The following ATXN1 variants were observed in gnomAD, a reference collection of about 807,000 sequenced individuals.
The protein encoded by ATXN1 is ataxin-1.
A neutral mutation model predicts 56.4 loss-of-function variants in ATXN1; 8 were observed. That is an observed-to-expected ratio of 0.14 (90% CI 0.08 to 0.26). The LOEUF is 0.26. Ranked by LOEUF, ATXN1 falls within the 10% of genes least tolerant of loss-of-function variation. The probability of loss-of-function intolerance (pLI) is 1.00; values close to 1 mark genes in which losing one functional copy is unlikely to be tolerated. For synonymous variants in ATXN1, 514 were observed against 494.6 expected, an observed-to-expected ratio of 1.04 and a Z score of -0.52; for missense variants, 987 against 1,106.5, an observed-to-expected ratio of 0.89 and a Z score of 1.53.
intron 3 of ATXN1, among the ~76,000 whole-genome samples, chr6:16,590,562 T>C (rs887627246): frequency 1.3e-5 from 2 of 152,228 alleles, no homozygotes; most frequent in Admixed American, 1.3e-4. Flanking sequence ...TTCACATTTA[T>C]CACTGATAAA....
At chr6:16,645,245 G>C (rs903150250) in intron 3 of ATXN1, among the ~76,000 whole-genome samples, 2 of 152,246 alleles carry the variant, frequency 1.3e-5, no homozygotes, top group Non-Finnish European at 2.9e-5. Context: ...TGAAGAGTTA[G>C]TTGACTTTGC....
chr6:16,709,240 T>C (rs1477378846), intron 2 of ATXN1, among the ~76,000 whole-genome samples: 1 of 152,090 alleles, frequency 6.6e-6, no homozygotes, highest in Non-Finnish European at 1.5e-5. Context: ...GGGATATCAC[T>C]ATAAATCCTA....
At chr6:16,572,347 C>T (rs1325560815) in intron 4 of ATXN1, among the ~76,000 whole-genome samples, 1 of 152,126 alleles carries the variant, frequency 6.6e-6, no homozygotes, top group Non-Finnish European at 1.5e-5. Flanking sequence ...GAGAAAGGGA[C>T]GGAGATCTTC....
intron 6 of ATXN1, among the ~76,000 whole-genome samples, chr6:16,407,452 G>C (rs1044499378): frequency 8.5e-5 from 13 of 152,342 alleles, no homozygotes; most frequent in African/African-American, 3.1e-4. Context: ...TAGTAAGGCT[G>C]TCCTAAGGAA....
At chr6:16,689,059 A>ATGTGTG (rs3072316) in intron 2 of ATXN1, among the ~76,000 whole-genome samples, 1 of 151,082 alleles carries the variant, frequency 6.6e-6, no homozygotes. Flanking sequence ...GTGTGTGTGT[A>ATGTGTG]TGTGTGTGTG....
chr6:16,478,036 T>C (rs1760361753), intron 6 of ATXN1, among the ~76,000 whole-genome samples: 1 of 152,204 alleles, frequency 6.6e-6, no homozygotes, highest in Non-Finnish European at 1.5e-5. Context: ...AGCCAGCACG[T>C]TGCTAGGACA....
intron 3 of ATXN1, among the ~76,000 whole-genome samples, chr6:16,618,647 G>A (rs573584355): frequency 7.9e-5 from 12 of 151,786 alleles, no homozygotes; most frequent in Middle Eastern, 3.4e-3. Context: ...GCTTGAACCC[G>A]GGAGGCGGAG....
intron 5 of ATXN1, among the ~76,000 whole-genome samples, chr6:16,517,295 G>A (rs1761200617): frequency 2.0e-5 from 3 of 152,212 alleles, no homozygotes; most frequent in African/African-American, 4.8e-5. Flanking sequence ...CAGTTTCTGA[G>A]AGGTAGCAGA....
chr6:16,417,225 G>A (rs947600234), intron 6 of ATXN1, among the ~76,000 whole-genome samples: 7 of 152,086 alleles, frequency 4.6e-5, no homozygotes, highest in African/African-American at 1.7e-4. Context: ...TTTTGAGACA[G>A]GGTCTCACTA....
chr6:16,612,679 T>C (rs1371810171), intron 3 of ATXN1, among the ~76,000 whole-genome samples: 2 of 149,574 alleles, frequency 1.3e-5, no homozygotes, highest in African/African-American at 4.9e-5. Flanking sequence ...GATCACGAGG[T>C]CAAGAGATTG....
intron 2 of ATXN1, among the ~76,000 whole-genome samples, chr6:16,702,178 C>G (rs1346326623): frequency 1.3e-5 from 2 of 152,046 alleles, no homozygotes; most frequent in African/African-American, 4.8e-5. Flanking sequence ...AGAAATAATG[C>G]CACACATCTA....
intron 7 of ATXN1, among the ~76,000 whole-genome samples, chr6:16,324,250 C>T (rs1014615941): frequency 1.3e-5 from 2 of 152,080 alleles, no homozygotes; most frequent in African/African-American, 4.8e-5. Flanking sequence ...TGAGACCAGC[C>T]TAGGCAACAC....
At chr6:16,558,141 A>G (rs777696275) in intron 4 of ATXN1, among the ~76,000 whole-genome samples, 1 of 152,026 alleles carries the variant, frequency 6.6e-6, no homozygotes, top group Non-Finnish European at 1.5e-5. Context: ...CCATTTATTA[A>G]AAGACTGCAT....
intron 2 of ATXN1, among the ~76,000 whole-genome samples, chr6:16,750,871 G>C (rs1034730947): frequency 6.6e-6 from 1 of 151,960 alleles, no homozygotes; most frequent in Non-Finnish European, 1.5e-5. Context: ...ATCTAAATGT[G>C]AGGATTTTCA....
chr6:16,535,779 T>A (rs1391852500), intron 4 of ATXN1, among the ~76,000 whole-genome samples: 1 of 152,250 alleles, frequency 6.6e-6, no homozygotes, highest in African/African-American at 2.4e-5. Context: ...AACTTTAAAG[T>A]TGACAAACCC....
intron 2 of ATXN1, chr6:16,739,758 G>A: frequency 2.2e-6 from 1 of 448,680 alleles, no homozygotes; most frequent in East Asian, 7.1e-5. Flanking sequence ...CTCTGAAGCT[G>A]GGTGTCATCC....
chr6:16,424,947 T>C (rs951093820), intron 6 of ATXN1, among the ~76,000 whole-genome samples: 1 of 152,242 alleles, frequency 6.6e-6, no homozygotes, highest in African/African-American at 2.4e-5. Flanking sequence ...TCAGAACTAC[T>C]GACTGCTGCA....
intron 3 of ATXN1, among the ~76,000 whole-genome samples, chr6:16,625,129 C>G: frequency 6.6e-6 from 1 of 152,182 alleles, no homozygotes. Context: ...ACTCCCACAT[C>G]GATCAAGTGA....
intron 3 of ATXN1, among the ~76,000 whole-genome samples, chr6:16,632,521 C>T (rs1763522972): frequency 2.0e-5 from 3 of 152,126 alleles, no homozygotes; most frequent in African/African-American, 4.8e-5. Context: ...ACTTAAGCCC[C>T]GAGGGGGCCA....
Sources: allele counts gnomAD v4.1 joint callset (sites outside exome capture counted in the v4.1 genomes callset), GRCh38; gene constraint gnomAD v4.1.1; transcripts MANE v1.5; gene names NCBI Gene and HGNC (gene_info 2026-07-23, HGNC 2026-07-21).